Variants in CLEC7A observed in about 807,000 individuals in gnomAD.
CLEC7A encodes C-type lectin domain containing 7A, also known as C-type lectin domain family 7 member A.
Under a neutral mutation model 26.9 loss-of-function variants are expected in CLEC7A, and 25 were observed. The ratio of observed to expected loss-of-function variants is 0.93; its 90% CI spans 0.68 to 1.30. The LOEUF is 1.30. CLEC7A is among the 50% of genes most tolerant of loss of function. The pLI is 0.00. For missense variants in CLEC7A, 275 were observed against 286.7 expected (o/e 0.96, Z 0.29); for synonymous variants, 100 against 99.5 (o/e 1.01, Z -0.03).
chr12:10,120,019 A>G (rs1272973397), intron 5 of CLEC7A, among the ~76,000 whole-genome samples: 2 of 152,186 alleles, frequency 1.3e-5, no homozygotes, highest in East Asian at 3.8e-4. Flanking sequence ...TAAAATTATA[A>G]AACTGAAAAT....
intron 1 of CLEC7A, 56 bp from the exon 2 acceptor site, chr12:10,127,901 G>A: frequency 2.4e-6 from 3 of 1,234,312 alleles, no homozygotes; most frequent in Non-Finnish European, 3.4e-6. Flanking sequence ...CGGATGGTGG[G>A]GCAGTTTAAT....
rs758262143 is a variant in CLEC7A at position 10,127,842 on chromosome 12, G to A, written c.107C>T (p.Ser36Leu). The stretch of plus-strand genomic sequence containing the variant: ...GCGCCAAGGAGGAGATGCAGCACAC[G>A]ATCCTGAGGAGCCAGAGGGGGCAGA... ...TRIAVVSEKG[S>L]CAASPPWRLI... Residue 36 changes from serine (S) to leucine (L), a missense_variant, in exon 2 of 6, where the codon TCG (serine) becomes TTG (leucine). Ser to Leu is a moderately radical substitution (Grantham distance 145). Transcript: ENST00000304084. 9.0e-6 allele frequency: 14 copies of A among 1,547,552 alleles called. No homozygotes were observed. Among genetic ancestry groups the A allele is most frequent in the Admixed American group, 4.0e-5 (2 of 49,800 alleles).
intron 3 of CLEC7A, chr12:10,126,183 C>G (rs1358197169): frequency 1.0e-6 from 1 of 984,502 alleles, no homozygotes; most frequent in East Asian, 1.1e-4. Flanking sequence ...TGTCATTCTT[C>G]CTTTCTAATG....
At chr12:10,118,716 G>A in intron 5 of CLEC7A, 126 bp from the exon 6 acceptor site, 3 of 757,156 alleles carry the variant, frequency 4.0e-6, no homozygotes, top group Non-Finnish European at 6.0e-6. Context: ...TATTGGAAAA[G>A]GAGGCTTAAA....
At chr12:10,129,118 CTTTG>C (rs1301336249) in intron 1 of CLEC7A, among the ~76,000 whole-genome samples, 2 of 152,144 alleles carry the variant, frequency 1.3e-5, no homozygotes, top group East Asian at 1.9e-4. Flanking sequence ...TTCATTTACA[CTTTG>C]TTTAAGACTC....
chr12:10,118,443 T>C lies in CLEC7A; in HGVS notation c.*15A>G, dbSNP rs1400865407. 2 of 1,601,094 alleles carry C rather than the reference T, an allele frequency of 1.2e-6. No homozygotes were observed. The highest frequency in any genetic ancestry group is 1.7e-5 in the Admixed American group (1 of 59,730). On this transcript the variant is annotated 3_prime_UTR_variant, in exon 6 of 6. Coordinates refer to ENST00000304084, the MANE Select transcript of CLEC7A (RefSeq NM_197947.3). Reference sequence around the variant, plus strand: ...ACTACCTCACATATTTCTCTCTCCTTCTCCACCCTTCCTCTTACATTGAAA... The same window carrying C: ...ACTACCTCACATATTTCTCTCTCCTCCTCCACCCTTCCTCTTACATTGAAA...
rs1291217689 is a variant in CLEC7A at position 10,117,346 on chromosome 12, T to G, written c.*1112A>C. ...GAGTTCGGGACTACCCTGACCGACA[T>G]GGAGAAACCCTGTCTCTACTAAAAA... On this transcript the variant is annotated 3_prime_UTR_variant, in exon 6 of 6. Coordinates refer to ENST00000304084, the MANE Select transcript of CLEC7A (RefSeq NM_197947.3). 6.6e-6 allele frequency: 1 copy of G among 151,966 alleles called. No individual in the cohort carries two copies. The highest frequency in any genetic ancestry group is 1.5e-5 in the Non-Finnish European group (1 of 68,006). The allele number at this position is 151,966 out of a possible 1,614,324, so 9.4% of individuals were successfully genotyped here.
Position 10,125,408 on chromosome 12 carries a change from A to G in CLEC7A, c.381T>C (p.Tyr127=), listed in dbSNP as rs778011232. The part of the protein sequence containing the change: ...SSPCPPNWII[Y]EKSCYLFSMS... ...TGCTGAATAGATAACAGCTCTTCTC[A>G]TATATAATCCAATTAGGAGGACAAG... Residue 127 remains tyrosine (Y), a synonymous_variant, in exon 4 of 6, where the codon TAT becomes TAC. Transcript: ENST00000304084. 3 of 1,613,238 alleles carry G rather than the reference A, an allele frequency of 1.9e-6. No individual in the cohort carries two copies. Among genetic ancestry groups the G allele is most frequent in the South Asian group, 1.1e-5 (1 of 91,068 alleles).
chr12:10,128,092 G>T (rs537188769), intron 1 of CLEC7A, among the ~76,000 whole-genome samples: 1 of 150,218 alleles, frequency 6.7e-6, no homozygotes, highest in East Asian at 1.9e-4. Context: ...AATTTAATTA[G>T]CTGGGCATTG....
chr12:10,120,720 G>A (rs1199136058), intron 5 of CLEC7A, among the ~76,000 whole-genome samples: 3 of 149,574 alleles, frequency 2.0e-5, no homozygotes, highest in South Asian at 2.2e-4. Flanking sequence ...GAGTCCCCGC[G>A]CCCGGCCCAA....
At chr12:10,128,225 CA>C (rs1948367788) in intron 1 of CLEC7A, among the ~76,000 whole-genome samples, 1 of 144,370 alleles carries the variant, frequency 6.9e-6, no homozygotes, top group African/African-American at 2.9e-5. Context: ...CACACACACA[CA>C]CACACACACA....
At position 10,125,341 on chromosome 12, in the gene CLEC7A, G is replaced by T. The variant is rs1219601495; in HGVS notation, c.448C>A (p.Gln150Lys). The change falls in exon 4 of 6, where the codon CAA becomes AAA. Residue 150 changes from glutamine (Q) to lysine (K), a missense_variant. Transcript: ENST00000304084. Reference protein sequence around the residue: ...SWDGSKRQCWQLGSNLLKIDS... With the variant: ...SWDGSKRQCWKLGSNLLKIDS... ...ATCTTTAGGAGATTAGAGCCCAGTT[G>T]CCAGCATTGTCTTTTACTTCCATCC... The T allele has an allele frequency of 6.8e-6, 11 of 1,613,496 alleles. No homozygotes were observed. Among genetic ancestry groups the T allele is most frequent in the Middle Eastern group, 1.6e-4 (1 of 6,084 alleles).
In CLEC7A at chr12:10,117,433, G is replaced by A. The variant is rs1346986009; in HGVS notation, c.*1025C>T. On this transcript the variant is annotated 3_prime_UTR_variant, in exon 6 of 6. Coordinates refer to ENST00000304084, the MANE Select transcript of CLEC7A (RefSeq NM_197947.3). ...TAATCCCAGCTACTTGGGAGGCTGA[G>A]GCAGGAGAATTGCTTGAACCCAGGG... The A allele has an allele frequency of 6.7e-6, 1 of 148,698 alleles. No homozygotes were observed. Among genetic ancestry groups the A allele is most frequent in the East Asian group, 2.0e-4 (1 of 5,124 alleles). 9.2% of individuals were successfully genotyped at this position (148,698 alleles called of 1,614,324 possible).
intron 1 of CLEC7A, 102 bp downstream of exon 1, chr12:10,129,877 CA>C: frequency 3.1e-6 from 2 of 635,670 alleles, no homozygotes; most frequent in Non-Finnish European, 5.5e-6. Context: ...CTCGGCCTCC[CA>C]AAGTGCTGGG....
In CLEC7A at chr12:10,117,530, C is replaced by CAAAAAAAAAAAA. The variant is rs138543476; in HGVS notation, c.*916_*927dup. ...GGGCAACAAGAGCGAAACTCTGTCT[C>CAAAAAAAAAAAA]AAAAAAAAAAAAAAAAAAAAAGATT... On this transcript the variant is annotated 3_prime_UTR_variant, in exon 6 of 6. Transcript: ENST00000304084. The CAAAAAAAAAAAA allele has an allele frequency of 1.8e-5, 1 of 57,024 alleles. No individual in the cohort carries two copies. Among genetic ancestry groups the CAAAAAAAAAAAA allele is most frequent in the Admixed American group, 2.0e-4 (1 of 5,122 alleles). 3.5% of individuals were successfully genotyped at this position (57,024 alleles called of 1,614,324 possible). A position where few individuals can be genotyped will look rare whatever the true frequency, so the allele number is the denominator to read the frequency against.
rs940951107 is a variant in CLEC7A, at chr12:10,116,898, G to C, written c.*1560C>G. 3.3e-5 allele frequency: 5 copies of C among 151,606 alleles called. No homozygotes were observed. Among genetic ancestry groups the C allele is most frequent in the African/African-American group, 1.2e-4 (5 of 41,230 alleles). The allele number at this position is 151,606 out of a possible 1,614,324, so 9.4% of individuals were successfully genotyped here. On this transcript the variant is annotated 3_prime_UTR_variant, in exon 6 of 6. Coordinates refer to ENST00000304084, the MANE Select transcript of CLEC7A (RefSeq NM_197947.3). ...TTTTCACATATTAATCAACATTAGA[G>C]GACTGTAAATGCCTCCCTAGTAATA...
Position 10,127,857 on chromosome 12 carries a change from G to T in CLEC7A, c.104-12C>A. 1 of 1,508,148 alleles carries T rather than the reference G, an allele frequency of 6.6e-7. No homozygotes were observed. Among genetic ancestry groups the T allele is most frequent in the Non-Finnish European group, 9.0e-7 (1 of 1,114,982 alleles). The allele number at this position is 1,508,148 out of a possible 1,614,324, so 93.4% of individuals were successfully genotyped here. Reference sequence around the variant, plus strand: ...TGCAGCACACGATCCTGAGGAGCCAGAGGGGGCAGAAATGGAATAAAGAAA... The same window carrying T: ...TGCAGCACACGATCCTGAGGAGCCATAGGGGGCAGAAATGGAATAAAGAAA... On this transcript the variant is annotated splice_polypyrimidine_tract_variant and intron_variant, in intron 1 of 5. Transcript: ENST00000304084.
intron 1 of CLEC7A, among the ~76,000 whole-genome samples, chr12:10,128,844 A>G (rs897174174): frequency 9.8e-5 from 15 of 152,316 alleles, no homozygotes; most frequent in Middle Eastern, 3.4e-3. Flanking sequence ...TGCTGAGAGG[A>G]AAATATTTGT....
chr12:10,130,200 TACCGGAGTTTA>T, upstream of CLEC7A: 1 of 553,298 alleles, frequency 1.8e-6, no homozygotes, highest in East Asian at 2.9e-5. Context: ...GCTAGGTACT[TACCGGAGTTTA>T]ACAAATTAAG....
Sources: allele counts gnomAD v4.1 joint callset (sites outside exome capture counted in the v4.1 genomes callset), GRCh38; gene constraint gnomAD v4.1.1; transcripts MANE v1.5; gene names NCBI Gene and HGNC (gene_info 2026-07-23, HGNC 2026-07-21).